Variants in HGF observed in about 807,000 individuals in gnomAD.
HGF encodes hepatocyte growth factor.
In HGF, 39 loss-of-function variants were observed where a neutral mutation model predicts 111.6. The observed-to-expected ratio is 0.35, with a 90% confidence interval of 0.27 to 0.46. The LOEUF is 0.46. HGF is among the 20% of genes least tolerant of loss of function. The pLI is 1.00. For missense variants in HGF, 735 were observed against 910.5 expected (o/e 0.81, Z 2.48); for synonymous variants, 285 against 294.8 (o/e 0.97, Z 0.34).
rs1400092925 is a variant in HGF at position 81,754,521 on chromosome 7, TCAAAAGTAGATATGGC to T, written c.483-2275_483-2260del. Among the ~76,000 whole-genome samples, 4 of 151,860 alleles carry T rather than the reference TCAAAAGTAGATATGGC, an allele frequency of 2.6e-5. No homozygotes were observed. The East Asian group carries it at 7.7e-4, about 29-fold the overall frequency. On this transcript the variant is annotated intron_variant, in intron 4 of 17. Transcript: ENST00000222390. The stretch of plus-strand genomic sequence containing the variant: ...AAAGGAAGAGAGAATAATGTAGAAA[TCAAAAGTAGATATGGC>T]CAAAACACGAATAAAATTCCCCCAT...
At chr7:81,759,536 A>C (rs1375587328) in intron 2 of HGF, among the ~76,000 whole-genome samples, 1 of 152,094 alleles carries the variant, frequency 6.6e-6, no homozygotes, top group East Asian at 1.9e-4. Context: ...ACAGAGTCTC[A>C]CACTGTCGCC....
intron 2 of HGF, among the ~76,000 whole-genome samples, chr7:81,759,944 A>G (rs962390971): frequency 2.0e-5 from 3 of 152,202 alleles, no homozygotes; most frequent in African/African-American, 4.8e-5. Context: ...AATGATAAAT[A>G]CGCAAAAAAA....
Position 81,707,314 on chromosome 7 carries a change from G to A in HGF, c.1592C>T (p.Thr531Ile). 6.2e-7 allele frequency: 1 copy of A among 1,600,598 alleles called. No individual in the cohort carries two copies. ...GSLIKESWVLTARQCFPSRDL... is the reference protein window; with the variant it reads ...GSLIKESWVLIARQCFPSRDL... ...CCGAGAAGGGAAACACTGTCGTGCA[G>A]TAAGAACCCAACTCTCCTTTATCAA... The change falls in exon 14 of 18, where the codon ACT (threonine) becomes ATT (isoleucine). Residue 531 changes from threonine (T) to isoleucine (I), a missense_variant. Thr to Ile is a moderately conservative substitution (Grantham distance 89). Around this residue, in one of 3 missense-constraint regions of HGF, gnomAD observed 553 missense variants for 685.6 expected, o/e 0.81. Coordinates refer to ENST00000222390, the MANE Select transcript of HGF (RefSeq NM_000601.6).
At chr7:81,762,913 A>G in intron 1 of HGF, 41 bp from the exon 2 acceptor site, 2 of 1,176,008 alleles carry the variant, frequency 1.7e-6, no homozygotes, top group South Asian at 2.6e-5. Context: ...AACATTGGAG[A>G]AATGTTTTTA....
chr7:81,719,785 T>G (rs943807570), intron 10 of HGF, among the ~76,000 whole-genome samples: 3 of 152,148 alleles, frequency 2.0e-5, no homozygotes, highest in Non-Finnish European at 1.5e-5. Context: ...AACAATATAA[T>G]CCACTATTGA....
intron 4 of HGF, chr7:81,756,324 G>A (rs1788767432): frequency 2.3e-6 from 1 of 428,074 alleles, no homozygotes; most frequent in African/African-American, 2.0e-5. Flanking sequence ...ACAGTGCTCA[G>A]CAAGGTACAT....
intron 7 of HGF, 90 bp downstream of exon 7, chr7:81,743,263 A>T: frequency 1.2e-6 from 1 of 826,340 alleles, no homozygotes; most frequent in Non-Finnish European, 2.2e-6. Flanking sequence ...GCATCAAGTT[A>T]AATAGTTGTT....
chr7:81,758,590 A>G, intron 3 of HGF, 102 bp downstream of exon 3: 1 of 743,374 alleles, frequency 1.3e-6, no homozygotes, highest in South Asian at 1.5e-5. Flanking sequence ...TCTCATATAT[A>G]GTAGAAAAAT....
At chr7:81,736,134 A>G (rs1264439029) in intron 7 of HGF, among the ~76,000 whole-genome samples, 2 of 152,110 alleles carry the variant, frequency 1.3e-5, no homozygotes, top group Non-Finnish European at 2.9e-5. Flanking sequence ...GTTTCTGGGC[A>G]CTTAAGTATA....
chr7:81,752,003 A>G (rs1451269482), intron 5 of HGF, 117 bp downstream of exon 5: 4 of 1,518,280 alleles, frequency 2.6e-6, no homozygotes, highest in Non-Finnish European at 8.8e-7. Context: ...TTGTAGTTGC[A>G]TTTGCACGAA....
intron 9 of HGF, among the ~76,000 whole-genome samples, chr7:81,722,591 T>A (rs1789892856): frequency 1.3e-5 from 2 of 151,050 alleles, no homozygotes; most frequent in Non-Finnish European, 3.0e-5. Context: ...GGCAGGTGGA[T>A]CACTTGAGGT....
chr7:81,721,171 C>A (rs1177973679), intron 9 of HGF, among the ~76,000 whole-genome samples: 1 of 151,978 alleles, frequency 6.6e-6, no homozygotes, highest in South Asian at 2.1e-4. Context: ...GGCGTGAACC[C>A]GGGAGGCGGA....
intron 9 of HGF, 33 bp downstream of exon 9, chr7:81,725,857 A>G: frequency 6.2e-7 from 1 of 1,613,106 alleles, no homozygotes; most frequent in Non-Finnish European, 8.5e-7. Flanking sequence ...CCTGAATTTA[A>G]TCATGCCCAC....
chr7:81,738,049 G>T (rs1362521829), intron 7 of HGF, among the ~76,000 whole-genome samples: 1 of 152,044 alleles, frequency 6.6e-6, no homozygotes, highest in Non-Finnish European at 1.5e-5. Flanking sequence ...GACACATAGA[G>T]GGGAACAATA....
At chr7:81,704,607 C>T (rs5745759) in intron 17 of HGF, among the ~76,000 whole-genome samples, 3,498 of 151,848 alleles carry the variant, frequency 0.023, 132 homozygotes, top group African/African-American at 0.078. Flanking sequence ...AGGTGTATAA[C>T]ACTTGCATTT....
At position 81,700,252 on chromosome 7, in the gene HGF, T is replaced by G. The variant is rs1789247126; in HGVS notation, c.*2329A>C. Reference sequence around the variant, plus strand: ...AGCAAATAATGACATGACTCTACCCTGTTCTACCACCTAAAATAACATGGA... The same window carrying G: ...AGCAAATAATGACATGACTCTACCCGGTTCTACCACCTAAAATAACATGGA... On this transcript the variant is annotated 3_prime_UTR_variant, in exon 18 of 18. Coordinates refer to ENST00000222390, the MANE Select transcript of HGF (RefSeq NM_000601.6). 1 of 151,702 alleles carries G rather than the reference T, an allele frequency of 6.6e-6. No homozygotes were observed. Among genetic ancestry groups the G allele is most frequent in the Non-Finnish European group, 1.5e-5 (1 of 67,684 alleles). 9.4% of individuals were successfully genotyped at this position (151,702 alleles called of 1,614,324 possible).
Position 81,741,618 on chromosome 7 carries a change from G to A in HGF, c.865+1735C>T, listed in dbSNP as rs556505481. On this transcript the variant is annotated intron_variant, in intron 7 of 17. Transcript: ENST00000222390. ...GTGTGTGTGTGTGTGTGTGTGTATA[G>A]GTTTTATTCCAGAGAAAATTTATAA... 8.2e-5 allele frequency among the ~76,000 whole-genome samples: 12 copies of A among 145,848 alleles called. No individual in the cohort carries two copies. In the East Asian group the frequency reaches 2.1e-3, roughly 25 times the overall value.
At chr7:81,735,180 C>T (rs910823232) in intron 7 of HGF, among the ~76,000 whole-genome samples, 3 of 152,014 alleles carry the variant, frequency 2.0e-5, no homozygotes, top group Non-Finnish European at 2.9e-5. Flanking sequence ...GTAGTAAAGA[C>T]CTCCAAAATA....
At chr7:81,720,269 A>G (rs1789818691) in intron 10 of HGF, among the ~76,000 whole-genome samples, 1 of 152,216 alleles carries the variant, frequency 6.6e-6, no homozygotes, top group Non-Finnish European at 1.5e-5. Flanking sequence ...AAGGTTTAGT[A>G]TTTTAGAAAT....
Sources: allele counts gnomAD v4.1 joint callset (sites outside exome capture counted in the v4.1 genomes callset), GRCh38; gene constraint gnomAD v4.1.1; regional missense constraint gnomAD v4.1.1; transcripts MANE v1.5; gene names NCBI Gene and HGNC (gene_info 2026-07-23, HGNC 2026-07-21).